RRP1: variants seen among roughly 807,000 people sequenced by gnomAD.
The protein encoded by RRP1 is ribosomal RNA processing 1.
Under a neutral mutation model 54.6 loss-of-function variants are expected in RRP1, and 37 were observed. That is an observed-to-expected ratio of 0.68 (90% confidence interval 0.52 to 0.89). The LOEUF (loss-of-function observed/expected upper bound fraction) is 0.89, where lower values mean the gene tolerates loss of function less well. Among genes scored for constraint, RRP1 ranks in the 40% least tolerant of loss-of-function variants. The probability of loss-of-function intolerance (pLI) is 0.00; values close to 1 mark genes in which losing one functional copy is unlikely to be tolerated. For synonymous variants in RRP1, 262 were observed against 244.3 expected (o/e 1.07, Z -0.67); for missense variants, 639 against 612.5 (o/e 1.04, Z -0.46).
At position 43,789,624 on chromosome 21, in the gene RRP1, G is replaced by A; in HGVS notation, c.-6G>A. On this transcript the variant is annotated 5_prime_UTR_variant, in exon 1 of 13. Transcript: ENST00000497547. ...TCCGGGACAGGGGGTCTCGGCCGTCGGCGTCATGGTTTCGCGCGTGCAGCT... is the reference window on the plus strand; with the variant it reads ...TCCGGGACAGGGGGTCTCGGCCGTCAGCGTCATGGTTTCGCGCGTGCAGCT... 2 of 1,586,858 alleles carry A rather than the reference G, an allele frequency of 1.3e-6. No individual in the cohort carries two copies. The highest frequency in any genetic ancestry group is 8.6e-7 in the Non-Finnish European group (1 of 1,168,318).
chr21:43,803,259 C>A (rs185168065), intron 12 of RRP1, among the ~76,000 whole-genome samples: 1 of 152,246 alleles, frequency 6.6e-6, no homozygotes, highest in Admixed American at 6.5e-5. Flanking sequence ...CCTGCCTACT[C>A]CTCTGTGCCT....
In RRP1 at chr21:43,800,719, G is replaced by A. The variant is rs1055752750; in HGVS notation, c.989+105G>A. ...TGTCCTGGGCCCTTCCGCAGCCCCC[G>A]GGGTGATCCCCGCTAGGACCCTGAG... On this transcript the variant is annotated intron_variant, in intron 10 of 12. Transcript: ENST00000497547. 6 of 1,507,770 alleles carry A rather than the reference G, an allele frequency of 4.0e-6. No homozygotes were observed. The East Asian group carries it at 6.8e-5, about 17-fold the overall frequency. 93.4% of individuals were successfully genotyped at this position (1,507,770 alleles called of 1,614,324 possible).
intron 2 of RRP1, among the ~76,000 whole-genome samples, chr21:43,792,366 G>A (rs1042772102): frequency 2.0e-5 from 3 of 152,308 alleles, no homozygotes; most frequent in East Asian, 3.9e-4. Flanking sequence ...CTCTTTAACC[G>A]TGACTCTGTG....
intron 11 of RRP1, among the ~76,000 whole-genome samples, chr21:43,801,633 G>A (rs1038525020): frequency 6.6e-6 from 1 of 152,122 alleles, no homozygotes; most frequent in African/African-American, 2.4e-5. Context: ...CCACCACGCC[G>A]GCTAATTGTT....
intron 1 of RRP1, chr21:43,791,105 TAG>T (rs1337390727): frequency 1.7e-6 from 1 of 605,526 alleles, no homozygotes; most frequent in Non-Finnish European, 3.1e-6. Context: ...TGATACCTTG[TAG>T]ATCTCAGTCG....
At chr21:43,802,744 A>G (rs2085107302) in intron 12 of RRP1, among the ~76,000 whole-genome samples, 1 of 151,994 alleles carries the variant, frequency 6.6e-6, no homozygotes, top group Non-Finnish European at 1.5e-5. Flanking sequence ...GAGTCTCTCC[A>G]CGTCTTCCTT....
At chr21:43,800,259 GT>G (rs1470051299) in intron 9 of RRP1, among the ~76,000 whole-genome samples, 1 of 152,188 alleles carries the variant, frequency 6.6e-6, no homozygotes, top group Non-Finnish European at 1.5e-5. Context: ...GCCCTGCAGT[GT>G]GCCCCGCAGT....
intron 12 of RRP1, 177 bp downstream of exon 12, chr21:43,802,564 C>G (rs947939220): frequency 3.8e-5 from 22 of 583,612 alleles, no homozygotes; most frequent in Non-Finnish European, 6.9e-5. Flanking sequence ...CTCCTGTAGG[C>G]CTCTCCCTGC....
intron 2 of RRP1, 47 bp from the exon 3 acceptor site, chr21:43,792,625 G>A: frequency 6.3e-7 from 1 of 1,593,128 alleles, no homozygotes; most frequent in Non-Finnish European, 8.6e-7. Context: ...CATTGTGAGA[G>A]CCTGGTGCTT....
At chr21:43,791,325 T>C (rs1239565031) in intron 1 of RRP1, 25 bp from the exon 2 acceptor site, 1 of 1,612,668 alleles carries the variant, frequency 6.2e-7, no homozygotes, top group Non-Finnish European at 8.5e-7. Flanking sequence ...ATTCATTTGG[T>C]CCAACCGTTG....
intron 9 of RRP1, 72 bp downstream of exon 9, chr21:43,799,721 AG>A: frequency 1.4e-6 from 2 of 1,421,754 alleles, no homozygotes; most frequent in Non-Finnish European, 1.9e-6. Context: ...CTGGAAGAGG[AG>A]GGGGGCGTTA....
chr21:43,795,186 A>G lies in RRP1; in HGVS notation c.361-3A>G. 1.2e-6 allele frequency: 2 copies of G among 1,613,924 alleles called. No homozygotes were observed. The highest frequency in any genetic ancestry group is 8.5e-7 in the Non-Finnish European group (1 of 1,179,916). On this transcript the variant is annotated splice_region_variant and splice_polypyrimidine_tract_variant and intron_variant, in intron 4 of 12. Coordinates refer to ENST00000497547, the MANE Select transcript of RRP1 (RefSeq NM_003683.6). ...CTAATGCCAACCTCCTTCTGTGTCA[A>G]AGCTCATGCGGATGGTCCTGAACGA... is the stretch of plus-strand genomic sequence containing the variant.
chr21:43,792,262 A>C (rs2084968055), intron 2 of RRP1, among the ~76,000 whole-genome samples: 1 of 152,188 alleles, frequency 6.6e-6, no homozygotes, highest in Non-Finnish European at 1.5e-5. Flanking sequence ...TGATGTAGGC[A>C]GATAGCCAGT....
At position 43,797,948 on chromosome 21, in the gene RRP1, C is replaced by T. The variant is rs373040342; in HGVS notation, c.659C>T (p.Thr220Met). 1.7e-5 allele frequency: 28 copies of T among 1,614,022 alleles called. No homozygotes were observed. Among genetic ancestry groups the T allele is most frequent in the African/African-American group, 8.0e-5 (6 of 74,914 alleles). Residue 220 changes from threonine (T) to methionine (M), a missense_variant, in exon 8 of 13, where the codon ACG becomes ATG. Thr to Met is a moderately conservative substitution (Grantham distance 81, BLOSUM62 -1). Coordinates refer to ENST00000497547, the MANE Select transcript of RRP1 (RefSeq NM_003683.6). ...AACATCACTCGAGGCATCTTTGAGA[C>T]GATTGTGGAGCAGGCCCCGCTTGCC... Reference protein sequence around the residue: ...LNNITRGIFETIVEQAPLAIE... With the variant: ...LNNITRGIFEMIVEQAPLAIE...
intron 12 of RRP1, among the ~76,000 whole-genome samples, chr21:43,803,224 C>T (rs1294496001): frequency 6.6e-6 from 1 of 152,278 alleles, no homozygotes; most frequent in African/African-American, 2.4e-5. Flanking sequence ...TGTTCTTCCA[C>T]CTCCCCTTCT....
intron 11 of RRP1, 107 bp downstream of exon 11, chr21:43,800,988 C>T: frequency 8.4e-7 from 1 of 1,193,732 alleles, no homozygotes; most frequent in Non-Finnish European, 1.2e-6. Context: ...AGTCTCTTTG[C>T]AGAGAGGCCT....
At chr21:43,792,936 C>T in intron 3 of RRP1, 1 of 595,722 alleles carries the variant, frequency 1.7e-6, no homozygotes, top group Non-Finnish European at 3.0e-6. Flanking sequence ...TTACCCAAAA[C>T]CCTCATTTCG....
rs1601872592 is a variant in RRP1, at chr21:43,799,454, T to TCCCGCCTGTGC, written c.812-113_812-103dup. 2.7e-6 allele frequency: 3 copies of TCCCGCCTGTGC among 1,099,142 alleles called. No individual in the cohort carries two copies. The East Asian group carries it at 7.6e-5, about 28-fold the overall frequency. The allele number at this position is 1,099,142 out of a possible 1,614,324, so 68.1% of individuals were successfully genotyped here. ...GGTGGGCTGTCCGTTCCCGGGTGTT[T>TCCCGCCTGTGC]CCCGCCTGTGCCCGTGCTCCGACCA... On this transcript the variant is annotated intron_variant, in intron 8 of 12. Transcript: ENST00000497547.
intron 11 of RRP1, among the ~76,000 whole-genome samples, chr21:43,801,188 G>A (rs537584360): frequency 6.6e-5 from 10 of 152,350 alleles, no homozygotes; most frequent in African/African-American, 2.2e-4. Context: ...GGCAGCACAC[G>A]TCTGTTCTTG....
Sources: allele counts gnomAD v4.1 joint callset (sites outside exome capture counted in the v4.1 genomes callset), GRCh38; gene constraint gnomAD v4.1.1; transcripts MANE v1.5; gene names NCBI Gene and HGNC (gene_info 2026-07-23, HGNC 2026-07-21).